The following YAE1 variants were observed in gnomAD, a reference collection of about 807,000 sequenced individuals.
The protein encoded by YAE1 is YAE1 maturation factor of ABCE1.
Under a neutral mutation model 23.0 loss-of-function variants are expected in YAE1, and 22 were observed. That is an observed-to-expected ratio of 0.96 (90% CI 0.68 to 1.37). YAE1 has a LOEUF of 1.37. Ranked by LOEUF, YAE1 falls within the 40% of genes most tolerant of loss-of-function variation. The pLI is 0.00. For missense variants in YAE1, 260 were observed against 262.1 expected (o/e 0.99, Z 0.06); for synonymous variants, 101 against 97.0 (o/e 1.04, Z -0.24).
chr7:39,576,208 A>G (rs1259680696), downstream of YAE1, among the ~76,000 whole-genome samples: 1 of 152,084 alleles, frequency 6.6e-6, no homozygotes, highest in Non-Finnish European at 1.5e-5. Context: ...GCCTCCTTTC[A>G]TTCTAATCAC....
At chr7:39,570,837 G>A (rs550129895) in intron 2 of YAE1, 13 of 520,156 alleles carry the variant, frequency 2.5e-5, no homozygotes, top group Non-Finnish European at 4.1e-5. Context: ...TTGTCTTTTC[G>A]TGCAAAGAAA....
intron 2 of YAE1, among the ~76,000 whole-genome samples, chr7:39,600,734 A>T (rs1219829801): frequency 6.6e-6 from 1 of 152,168 alleles, no homozygotes; most frequent in East Asian, 1.9e-4. Flanking sequence ...GGGGACAAAC[A>T]TGCACACTAG....
downstream of YAE1, among the ~76,000 whole-genome samples, chr7:39,575,081 A>T (rs1285367111): frequency 6.6e-6 from 1 of 152,224 alleles, no homozygotes. Flanking sequence ...AGGTCTTCCC[A>T]TGAGAATACC....
In YAE1 at chr7:39,579,101, C is replaced by T. The variant is rs117757046; in HGVS notation, c.251+8474C>T. Among the ~76,000 whole-genome samples the T allele has an allele frequency of 5.9e-5, 9 of 152,274 alleles. No homozygotes were observed. The East Asian group carries it at 1.7e-3, about 29-fold the overall frequency. On this transcript the variant is annotated intron_variant, in intron 2 of 2. Coordinates refer to the YAE1 transcript ENST00000432096. Reference sequence around the variant, plus strand: ...AAGAGAGGGGAAGTAATGGTTAACGCAGGCAGTGTTTACTATATGTAGGCA... The same window carrying T: ...AAGAGAGGGGAAGTAATGGTTAACGTAGGCAGTGTTTACTATATGTAGGCA...
intron 1 of YAE1, among the ~76,000 whole-genome samples, chr7:39,568,444 C>T (rs898576940): frequency 9.9e-5 from 15 of 151,800 alleles, no homozygotes; most frequent in Non-Finnish European, 1.9e-4. Flanking sequence ...TGTAAAATAC[C>T]AGGACTTTTC....
chr7:39,576,866 T>A (rs1367271006), downstream of YAE1, among the ~76,000 whole-genome samples: 12 of 152,256 alleles, frequency 7.9e-5, no homozygotes, highest in African/African-American at 2.9e-4. Flanking sequence ...CCAAAATACA[T>A]CGTGTTACAT....
chr7:39,605,172 G>A (rs138484366), intron 2 of YAE1, among the ~76,000 whole-genome samples: 2 of 152,266 alleles, frequency 1.3e-5, no homozygotes, highest in African/African-American at 4.8e-5. Flanking sequence ...TTCTTGCTTT[G>A]GGTGGGAAAC....
At chr7:39,576,476 A>G (rs1790658313), downstream of YAE1, among the ~76,000 whole-genome samples, 1 of 152,102 alleles carries the variant, frequency 6.6e-6, no homozygotes, top group African/African-American at 2.4e-5. Flanking sequence ...CACCATGCAC[A>G]CTACACTTCT....
chr7:39,567,557 A>G (rs1223391130), intron 1 of YAE1, among the ~76,000 whole-genome samples: 1 of 150,456 alleles, frequency 6.6e-6, no homozygotes, highest in African/African-American at 2.5e-5. Flanking sequence ...CCAGATGTGT[A>G]ATTTTCCATA....
intron 2 of YAE1, among the ~76,000 whole-genome samples, chr7:39,594,085 C>G (rs1039429402): frequency 1.3e-5 from 2 of 152,180 alleles, no homozygotes; most frequent in South Asian, 4.1e-4. Context: ...AGACAGATAA[C>G]TTTTCAGAAC....
At chr7:39,579,489 C>G (rs189240774) in intron 2 of YAE1, among the ~76,000 whole-genome samples, 2 of 152,036 alleles carry the variant, frequency 1.3e-5, no homozygotes, top group East Asian at 3.9e-4. Flanking sequence ...GCCAACATGG[C>G]AAAAACCCAT....
chr7:39,592,711 A>T lies in YAE1; in HGVS notation c.252-16906A>T, dbSNP rs535309108. Among the ~76,000 whole-genome samples the T allele has an allele frequency of 2.0e-5, 3 of 151,666 alleles. No homozygotes were observed. In the East Asian group the frequency reaches 5.8e-4, roughly 29 times the overall value. On this transcript the variant is annotated intron_variant, in intron 2 of 2. Coordinates refer to the YAE1 transcript ENST00000432096. ...CATTACCTTGTGGCTTCTAGTAAGA[A>T]GTCAGCTGTTTATGTGTCATTGTTA...
intron 2 of YAE1, among the ~76,000 whole-genome samples, chr7:39,599,363 T>C (rs1791021607): frequency 1.3e-5 from 2 of 148,554 alleles, no homozygotes; most frequent in Non-Finnish European, 2.9e-5. Flanking sequence ...AAGTGTTTTT[T>C]TGTTTTGTTT....
At chr7:39,586,559 G>A (rs1320343601) in intron 2 of YAE1, among the ~76,000 whole-genome samples, 2 of 149,786 alleles carry the variant, frequency 1.3e-5, no homozygotes, top group African/African-American at 2.5e-5. Flanking sequence ...GTGCAGTGGC[G>A]CAGTCTCGGC....
At chr7:39,610,015 T>C (rs1791187330) in exon 3 of YAE1, 1 of 1,503,172 alleles carries the variant, frequency 6.7e-7, no homozygotes, top group Admixed American at 2.1e-5. Context: ...GGGCAGCTTG[T>C]GCTTAGGAAA....
intron 2 of YAE1, among the ~76,000 whole-genome samples, chr7:39,586,056 C>T (rs923612334): frequency 6.6e-6 from 1 of 152,112 alleles, no homozygotes; most frequent in South Asian, 2.1e-4. Context: ...GCCGCGATCG[C>T]ACCACCGCAC....
downstream of YAE1, among the ~76,000 whole-genome samples, chr7:39,611,019 G>A (rs1346963696): frequency 6.6e-6 from 1 of 151,864 alleles, no homozygotes; most frequent in African/African-American, 2.4e-5. Context: ...ATGGTGGCGA[G>A]CACCTGTAAT....
intron 2 of YAE1, among the ~76,000 whole-genome samples, chr7:39,582,061 G>T (rs1790750469): frequency 6.6e-6 from 1 of 151,286 alleles, no homozygotes; most frequent in Non-Finnish European, 1.5e-5. Flanking sequence ...CCAAGTAGCT[G>T]GGACTACAGG....
intron 2 of YAE1, among the ~76,000 whole-genome samples, chr7:39,582,332 C>CA (rs568096803): frequency 1.8e-4 from 27 of 145,988 alleles, no homozygotes; most frequent in African/African-American, 3.8e-4. Context: ...CATGCCCAGC[C>CA]AAAAAAAAAA....
Sources: allele counts gnomAD v4.1 joint callset (sites outside exome capture counted in the v4.1 genomes callset), GRCh38; gene constraint gnomAD v4.1.1; transcripts MANE v1.5; gene names NCBI Gene and HGNC (gene_info 2026-07-23, HGNC 2026-07-21).